The following MYO9A variants were observed in gnomAD, a reference collection of about 807,000 sequenced individuals.
MYO9A encodes the protein myosin IXA, also known as unconventional myosin-IXa.
In MYO9A, 103 loss-of-function variants were observed where a neutral mutation model predicts 293.3. That is an observed-to-expected ratio of 0.35 (90% confidence interval 0.30 to 0.41). The LOEUF is 0.41. Among genes scored for constraint, MYO9A ranks in the 10% least tolerant of loss-of-function variants. The pLI, the probability that MYO9A is intolerant of heterozygous loss-of-function variation, is 1.00. For missense variants in MYO9A, 2,685 were observed against 3,033.0 expected, an observed-to-expected ratio of 0.89 and a Z score of 2.69; for synonymous variants, 1,001 against 1,035.7, an observed-to-expected ratio of 0.97 and a Z score of 0.64.
Position 71,933,662 on chromosome 15 carries a change from G to T in MYO9A, c.2562+8C>A. 3 of 1,601,184 alleles carry T rather than the reference G, an allele frequency of 1.9e-6. No individual in the cohort carries two copies. Among genetic ancestry groups the T allele is most frequent in the Non-Finnish European group, 2.6e-6 (3 of 1,173,576 alleles). On this transcript the variant is annotated splice_region_variant and intron_variant, in intron 18 of 41. Transcript: ENST00000356056. Reference sequence around the variant, plus strand: ...TACCAATACAAAAAAAGTTTTCATAGTACTCACCTTTGGAAGGGCAGGCTT... The same window carrying T: ...TACCAATACAAAAAAAGTTTTCATATTACTCACCTTTGGAAGGGCAGGCTT...
At chr15:71,849,248 G>A (rs1026778937) in intron 38 of MYO9A, among the ~76,000 whole-genome samples, 6 of 152,000 alleles carry the variant, frequency 3.9e-5, no homozygotes, top group Non-Finnish European at 7.4e-5. Context: ...TCAGGAGTTC[G>A]AGACCAACCT....
intron 6 of MYO9A, among the ~76,000 whole-genome samples, chr15:72,011,875 T>C (rs1429003720): frequency 2.6e-5 from 4 of 152,236 alleles, no homozygotes; most frequent in African/African-American, 9.6e-5. Flanking sequence ...TCTTATTAAC[T>C]GCAGATCCCC....
chr15:72,085,325 A>G (rs6494987), intron 1 of MYO9A, among the ~76,000 whole-genome samples: 144,848 of 151,726 alleles, frequency 0.95, 69,516 homozygotes, highest in East Asian at 1. Context: ...CCCAGGAGGC[A>G]AATGTTGCAG....
intron 1 of MYO9A, among the ~76,000 whole-genome samples, chr15:72,101,789 G>T (rs1349702742): frequency 6.8e-6 from 1 of 146,800 alleles, no homozygotes; most frequent in African/African-American, 2.5e-5. Flanking sequence ...CCCTCTGCCA[G>T]GCCAGCCGCC....
intron 28 of MYO9A, 145 bp from the exon 29 acceptor site, chr15:71,880,703 G>T: frequency 1.4e-6 from 1 of 705,972 alleles, no homozygotes; most frequent in Non-Finnish European, 2.3e-6. Context: ...AATGTTTGAG[G>T]TTAGGCAGCT....
At chr15:71,964,291 C>G (rs974917318) in intron 13 of MYO9A, among the ~76,000 whole-genome samples, 1 of 151,746 alleles carries the variant, frequency 6.6e-6, no homozygotes, top group Non-Finnish European at 1.5e-5. Context: ...ATTTTTATAC[C>G]CTTTCTCTAA....
At chr15:71,900,544 A>G (rs533949818) in intron 23 of MYO9A, among the ~76,000 whole-genome samples, 27 of 152,238 alleles carry the variant, frequency 1.8e-4, no homozygotes, top group Non-Finnish European at 2.2e-4. Flanking sequence ...TAAAACAGCT[A>G]TTTTAAATAA....
intron 25 of MYO9A, 76 bp from the exon 26 acceptor site, chr15:71,893,854 A>G: frequency 9.0e-7 from 1 of 1,107,762 alleles, no homozygotes; most frequent in Non-Finnish European, 1.3e-6. Context: ...GACTTCCAGC[A>G]AATTCCATAA....
At chr15:71,972,827 A>G (rs1276264187) in intron 12 of MYO9A, among the ~76,000 whole-genome samples, 4 of 152,112 alleles carry the variant, frequency 2.6e-5, no homozygotes, top group Non-Finnish European at 5.9e-5. Flanking sequence ...CAAGGTATGA[A>G]GCCATAGCTG....
At chr15:71,849,652 A>C (rs2055548324) in intron 38 of MYO9A, among the ~76,000 whole-genome samples, 1 of 152,122 alleles carries the variant, frequency 6.6e-6, no homozygotes, top group Non-Finnish European at 1.5e-5. Flanking sequence ...GCAGAGCCTC[A>C]AGAAAAAAGA....
intron 39 of MYO9A, among the ~76,000 whole-genome samples, chr15:71,844,496 T>C (rs1030341431): frequency 6.6e-6 from 1 of 152,170 alleles, no homozygotes; most frequent in African/African-American, 2.4e-5. Flanking sequence ...AATGCTCTAA[T>C]GTGGGGGATC....
chr15:72,011,884 C>T (rs2077185116), intron 6 of MYO9A, among the ~76,000 whole-genome samples: 1 of 152,018 alleles, frequency 6.6e-6, no homozygotes, highest in African/African-American at 2.4e-5. Context: ...CTGCAGATCC[C>T]CAGTGCGAAG....
At chr15:71,837,690 A>C (rs1352214470) in intron 39 of MYO9A, among the ~76,000 whole-genome samples, 1 of 152,126 alleles carries the variant, frequency 6.6e-6, no homozygotes, top group African/African-American at 2.4e-5. Context: ...ATTAAACAAA[A>C]CAAAGAAAAA....
intron 32 of MYO9A, among the ~76,000 whole-genome samples, chr15:71,863,300 G>A (rs1244577321): frequency 6.6e-6 from 1 of 151,724 alleles, no homozygotes; most frequent in Non-Finnish European, 1.5e-5. Context: ...ACCTCAGAGA[G>A]CTTTTGTTTA....
chr15:72,066,450 C>CA (rs2150083555), intron 1 of MYO9A, among the ~76,000 whole-genome samples: 1 of 146,628 alleles, frequency 6.8e-6, no homozygotes, highest in African/African-American at 2.5e-5. Flanking sequence ...CACACCACTG[C>CA]ACTCCAGCCT....
At chr15:72,022,031 T>C (rs935345931) in intron 4 of MYO9A, among the ~76,000 whole-genome samples, 1 of 152,150 alleles carries the variant, frequency 6.6e-6, no homozygotes, top group African/African-American at 2.4e-5. Flanking sequence ...TAAATAAATA[T>C]CTGTCCAGTT....
At chr15:71,928,027 A>ATATATATATATATATAT (rs2058360113) in intron 18 of MYO9A, among the ~76,000 whole-genome samples, 3 of 10,756 alleles carry the variant, frequency 2.8e-4, no homozygotes, top group South Asian at 5.0e-3. Flanking sequence ...ATACCTTTCT[A>ATATATATATATATATAT]ATATATATAT....
At chr15:71,937,877 G>A (rs1289948656) in intron 16 of MYO9A, among the ~76,000 whole-genome samples, 1 of 152,126 alleles carries the variant, frequency 6.6e-6, no homozygotes, top group Admixed American at 6.6e-5. Context: ...AGGTACACAG[G>A]TCAAGGTTAA....
At position 72,117,977 on chromosome 15, in the gene MYO9A, T is replaced by C. The variant is rs1016722700; in HGVS notation, c.-369A>G. 5 of 400,142 alleles carry C rather than the reference T, an allele frequency of 1.2e-5. No homozygotes were observed. In the Admixed American group the frequency reaches 1.8e-4, roughly 14 times the overall value. 24.8% of individuals were successfully genotyped at this position (400,142 alleles called of 1,614,324 possible). On this transcript the variant is annotated 5_prime_UTR_variant, in exon 1 of 42. Coordinates refer to ENST00000356056, the MANE Select transcript of MYO9A (RefSeq NM_006901.4). ...CGCTGCCAGCGGCCGCCTCTGCCGG[T>C]GCAACTACTGCCTCCGCCGCCGCCT...
Sources: gnomAD v4.1 joint callset for allele counts (sites outside exome capture counted in the v4.1 genomes callset) on GRCh38, gnomAD v4.1.1 for gene constraint, MANE v1.5 for transcripts, NCBI Gene and HGNC (gene_info 2026-07-23, HGNC 2026-07-21) for gene names.